Variants in CDK6 observed in about 807,000 individuals in gnomAD.
CDK6 encodes the protein cyclin dependent kinase 6.
In CDK6, 6 loss-of-function variants were observed where a neutral mutation model predicts 37.1. That is an observed-to-expected ratio of 0.16 (90% CI 0.09 to 0.32). The LOEUF (loss-of-function observed/expected upper bound fraction) is 0.32, where lower values mean the gene tolerates loss of function less well. Among genes scored for constraint, CDK6 ranks in the 10% least tolerant of loss-of-function variants. The pLI, the probability that CDK6 is intolerant of heterozygous loss-of-function variation, is 1.00. For missense variants in CDK6, 224 were observed against 418.9 expected, an observed-to-expected ratio of 0.53 and a Z score of 4.06; for synonymous variants, 160 against 161.3, an observed-to-expected ratio of 0.99 and a Z score of 0.06.
intron 5 of CDK6, among the ~76,000 whole-genome samples, chr7:92,643,646 T>C (rs1481839527): frequency 1.3e-5 from 2 of 152,228 alleles, no homozygotes; most frequent in African/African-American, 4.8e-5. Flanking sequence ...TCTTTGGTTG[T>C]AGCTAGAATT....
chr7:92,759,697 C>CA (rs61188860), intron 3 of CDK6, among the ~76,000 whole-genome samples: 7,872 of 73,652 alleles, frequency 0.11, 341 homozygotes, highest in African/African-American at 0.18. Context: ...GACTTTAAGG[C>CA]AAAAAAAAAA....
In CDK6 at chr7:92,793,560, G is replaced by T. The variant is rs76971458; in HGVS notation, c.234-18729C>A. Among the ~76,000 whole-genome samples the T allele has an allele frequency of 5.6e-4, 85 of 152,226 alleles. No homozygotes were observed. In the East Asian group the frequency reaches 0.013, roughly 23 times the overall value. ...ACTGGATACCTACATGCAAAAGAAT[G>T]AAATTGGATCCTAACCTCACAATAT... On this transcript the variant is annotated intron_variant, in intron 2 of 7. Transcript: ENST00000424848.
chr7:92,749,212 A>G (rs1294860162), intron 3 of CDK6, among the ~76,000 whole-genome samples: 2 of 151,728 alleles, frequency 1.3e-5, no homozygotes, highest in Non-Finnish European at 2.9e-5. Flanking sequence ...AAAAAAAAAA[A>G]AAAAGAAATC....
intron 4 of CDK6, among the ~76,000 whole-genome samples, chr7:92,672,645 T>C (rs1797117854): frequency 6.6e-6 from 1 of 151,876 alleles, no homozygotes. Context: ...GGGCAGATAG[T>C]CTATGGATAC....
At chr7:92,742,004 A>G (rs1205220712) in intron 3 of CDK6, among the ~76,000 whole-genome samples, 2 of 152,314 alleles carry the variant, frequency 1.3e-5, no homozygotes, top group South Asian at 2.1e-4. Flanking sequence ...GCATAAAATT[A>G]TTGGAAAAGT....
chr7:92,722,168 A>AATATAT (rs553186328), intron 4 of CDK6, among the ~76,000 whole-genome samples: 1 of 151,908 alleles, frequency 6.6e-6, no homozygotes, highest in Non-Finnish European at 1.5e-5. Context: ...TTATTATGTA[A>AATATAT]ATATATATAT....
chr7:92,756,817 C>T (rs2115703569), intron 3 of CDK6, among the ~76,000 whole-genome samples: 1 of 152,252 alleles, frequency 6.6e-6, no homozygotes, highest in Non-Finnish European at 1.5e-5. Context: ...GCAAGAAGCG[C>T]AAGACCAGAG....
At chr7:92,771,165 G>C (rs547778459) in intron 3 of CDK6, among the ~76,000 whole-genome samples, 10 of 151,562 alleles carry the variant, frequency 6.6e-5, no homozygotes, top group African/African-American at 2.4e-4. Flanking sequence ...GAACCTGGGA[G>C]GTGGAGGTTG....
chr7:92,786,430 T>C (rs1379279856), intron 2 of CDK6, among the ~76,000 whole-genome samples: 1 of 152,102 alleles, frequency 6.6e-6, no homozygotes, highest in Non-Finnish European at 1.5e-5. Flanking sequence ...TAGAAGAAAA[T>C]GTTAAACCTT....
At chr7:92,810,262 G>A (rs1800840996) in intron 2 of CDK6, among the ~76,000 whole-genome samples, 1 of 152,166 alleles carries the variant, frequency 6.6e-6, no homozygotes, top group South Asian at 2.1e-4. Flanking sequence ...TGCAGTTTAT[G>A]TGCATTTAAT....
chr7:92,802,767 T>C (rs1463168901), intron 2 of CDK6, among the ~76,000 whole-genome samples: 1 of 152,164 alleles, frequency 6.6e-6, no homozygotes, highest in Non-Finnish European at 1.5e-5. Flanking sequence ...TAAATTAGGG[T>C]TTCTCAACCA....
rs1046272555 is a variant in CDK6, at chr7:92,618,601, T to C, written c.699-394A>G. On this transcript the variant is annotated intron_variant, in intron 6 of 7. Transcript: ENST00000424848. ...CTTCCTTTATGTCCAAGAATGCTTT[T>C]TGTGTTTTGATCGAACACCCCAGTA... 3.5e-4 allele frequency among the ~76,000 whole-genome samples: 54 copies of C among 152,238 alleles called. 1 individual carries two copies. Among genetic ancestry groups the C allele is most frequent in the African/African-American group, 1.2e-3 (50 of 41,458 alleles).
chr7:92,621,396 A>C (rs929327767), intron 6 of CDK6, among the ~76,000 whole-genome samples: 1 of 152,224 alleles, frequency 6.6e-6, no homozygotes, highest in Non-Finnish European at 1.5e-5. Flanking sequence ...CATGCCGGTC[A>C]AATGTTCCTT....
intron 4 of CDK6, among the ~76,000 whole-genome samples, chr7:92,702,808 C>A (rs977311956): frequency 6.6e-6 from 1 of 152,112 alleles, no homozygotes; most frequent in Non-Finnish European, 1.5e-5. Context: ...CATTTCTACA[C>A]GGGGGTAGCC....
At chr7:92,741,018 T>C (rs1798912349) in intron 3 of CDK6, among the ~76,000 whole-genome samples, 1 of 152,130 alleles carries the variant, frequency 6.6e-6, no homozygotes, top group African/African-American at 2.4e-5. Flanking sequence ...AAGTTTACAA[T>C]GAGTCAATAC....
chr7:92,832,647 G>A (rs1176232056), intron 2 of CDK6, among the ~76,000 whole-genome samples: 1 of 152,284 alleles, frequency 6.6e-6, no homozygotes, highest in East Asian at 1.9e-4. Context: ...AGTTCCCACT[G>A]ATTATCACAC....
In CDK6 at chr7:92,833,326, C is replaced by A; in HGVS notation, c.-3G>T. 5 of 1,563,714 alleles carry A rather than the reference C, an allele frequency of 3.2e-6. No individual in the cohort carries two copies. The highest frequency in any genetic ancestry group is 3.5e-6 in the Non-Finnish European group (4 of 1,157,990). Reference sequence around the variant, plus strand: ...CGGCACAGGCCGTCCTTCTCCATGCCGCCTGGACGCCGCCCGCCGCGGCGC... The same window carrying A: ...CGGCACAGGCCGTCCTTCTCCATGCAGCCTGGACGCCGCCCGCCGCGGCGC... On this transcript the variant is annotated 5_prime_UTR_variant, in exon 2 of 8. Transcript: ENST00000424848. The surrounding 1 kb of genome is among the most constrained non-coding windows in gnomAD (Gnocchi z 6.1).
At chr7:92,739,030 A>G (rs1233755110) in intron 3 of CDK6, among the ~76,000 whole-genome samples, 1 of 152,140 alleles carries the variant, frequency 6.6e-6, no homozygotes, top group Non-Finnish European at 1.5e-5. Context: ...TGTTCATAAC[A>G]AGTCTGAAGT....
chr7:92,685,620 A>G (rs1315479170), intron 4 of CDK6, among the ~76,000 whole-genome samples: 3 of 152,194 alleles, frequency 2.0e-5, no homozygotes, highest in Non-Finnish European at 2.9e-5. Context: ...ATTTTGCACT[A>G]AACTCCTGCA....
Sources: allele counts gnomAD v4.1 joint callset (sites outside exome capture counted in the v4.1 genomes callset), GRCh38; gene constraint gnomAD v4.1.1; non-coding constraint Gnocchi (gnomAD v3.1); transcripts MANE v1.5; gene names NCBI Gene and HGNC (gene_info 2026-07-23, HGNC 2026-07-21).